Variants in DAB1 observed in about 807,000 individuals in gnomAD.
DAB1 encodes DAB adaptor protein 1.
In DAB1, 15 loss-of-function variants were observed where a neutral mutation model predicts 64.6. The ratio of observed to expected loss-of-function variants is 0.23; its 90% CI spans 0.16 to 0.36. The LOEUF is 0.36. Among genes scored for constraint, DAB1 ranks in the 10% least tolerant of loss-of-function variants. DAB1 has a pLI of 1.00. For missense variants in DAB1, 596 were observed against 706.7 expected, an observed-to-expected ratio of 0.84 and a Z score of 1.78; for synonymous variants, 235 against 251.9, an observed-to-expected ratio of 0.93 and a Z score of 0.64.
chr1:57,273,832 A>G (rs1386264957), intron 2 of DAB1, among the ~76,000 whole-genome samples: 1 of 152,020 alleles, frequency 6.6e-6, no homozygotes, highest in Non-Finnish European at 1.5e-5. Flanking sequence ...AATGGAGCCT[A>G]GTGAGTCGAG....
At chr1:57,710,773 G>A (rs1015721204) in intron 6 of DAB1, among the ~76,000 whole-genome samples, 2 of 152,062 alleles carry the variant, frequency 1.3e-5, no homozygotes, top group African/African-American at 4.8e-5. Flanking sequence ...GGAATAAAGA[G>A]TTTAATAGAC....
At chr1:57,412,623 A>G (rs1205339426) in intron 1 of DAB1, among the ~76,000 whole-genome samples, 1 of 152,220 alleles carries the variant, frequency 6.6e-6, no homozygotes, top group African/African-American at 2.4e-5. Flanking sequence ...GGATAGATGA[A>G]ACAAGACACA....
intron 5 of DAB1, among the ~76,000 whole-genome samples, chr1:58,017,577 G>T (rs1646758908): frequency 6.6e-6 from 1 of 152,238 alleles, no homozygotes; most frequent in South Asian, 2.1e-4. Flanking sequence ...GGGCTGGACA[G>T]ATCTGGGTTC....
chr1:57,239,576 C>T (rs1049058344), intron 2 of DAB1, among the ~76,000 whole-genome samples: 26 of 152,214 alleles, frequency 1.7e-4, no homozygotes, highest in Non-Finnish European at 3.7e-4. Flanking sequence ...ACATTCCACA[C>T]TGTTTCAGCA....
intron 6 of DAB1, among the ~76,000 whole-genome samples, chr1:57,667,232 C>T (rs1007239986): frequency 2.6e-5 from 4 of 152,102 alleles, no homozygotes; most frequent in Admixed American, 6.6e-5. Context: ...TCCCTGATTA[C>T]CTTATGAAAG....
chr1:58,264,723 T>G (rs1179515007), intron 4 of DAB1, among the ~76,000 whole-genome samples: 1 of 152,158 alleles, frequency 6.6e-6, no homozygotes, highest in East Asian at 1.9e-4. Context: ...TGTTCACACT[T>G]TTTTGGGTGA....
chr1:58,159,946 CTACT>C (rs1262296805), intron 4 of DAB1, among the ~76,000 whole-genome samples: 1 of 152,112 alleles, frequency 6.6e-6, no homozygotes, highest in Non-Finnish European at 1.5e-5. Flanking sequence ...TCCCTTCTAT[CTACT>C]AGAGACAAAT....
chr1:57,291,561 T>C (rs1367223040), intron 1 of DAB1, among the ~76,000 whole-genome samples: 1 of 152,094 alleles, frequency 6.6e-6, no homozygotes. Flanking sequence ...ATCAGCACCT[T>C]GGCAGCAAAA....
At chr1:57,788,567 T>C (rs1650443590) in intron 6 of DAB1, among the ~76,000 whole-genome samples, 1 of 152,160 alleles carries the variant, frequency 6.6e-6, no homozygotes, top group African/African-American at 2.4e-5. Context: ...GAACCAACTT[T>C]TGTGGTGACA....
chr1:57,061,583 G>A (rs146525342), intron 9 of DAB1, among the ~76,000 whole-genome samples: 1 of 152,342 alleles, frequency 6.6e-6, no homozygotes, highest in African/African-American at 2.4e-5. Flanking sequence ...AGCTGGAATT[G>A]ACTTTCTTAT....
intron 7 of DAB1, among the ~76,000 whole-genome samples, chr1:57,568,731 C>T (rs1331731023): frequency 3.3e-5 from 5 of 152,066 alleles, no homozygotes; most frequent in African/African-American, 4.8e-5. Flanking sequence ...CAATGAGATA[C>T]CATCTCACAC....
At chr1:57,194,781 C>T (rs951471119) in intron 2 of DAB1, among the ~76,000 whole-genome samples, 1 of 152,140 alleles carries the variant, frequency 6.6e-6, no homozygotes, top group African/African-American at 2.4e-5. Context: ...AGCACATTTC[C>T]AGCCAGTCCT....
At chr1:58,490,053 A>G (rs1235992080) in intron 3 of DAB1, among the ~76,000 whole-genome samples, 1 of 152,250 alleles carries the variant, frequency 6.6e-6, no homozygotes, top group African/African-American at 2.4e-5. Context: ...CTCCAAAGGA[A>G]CACAGCTCGT....
At chr1:58,248,290 A>AC (rs1236911894) in intron 4 of DAB1, among the ~76,000 whole-genome samples, 9 of 152,184 alleles carry the variant, frequency 5.9e-5, no homozygotes, top group Non-Finnish European at 1.3e-4. Flanking sequence ...TGCTGCTGTC[A>AC]CATTGCATGT....
At chr1:57,423,531 C>G (rs1309095546) in intron 1 of DAB1, among the ~76,000 whole-genome samples, 1 of 151,952 alleles carries the variant, frequency 6.6e-6, no homozygotes, top group East Asian at 1.9e-4. Context: ...GAGCCCAGGA[C>G]AGCGGGAGAA....
At chr1:58,249,240 C>A (rs1341483244) in intron 4 of DAB1, among the ~76,000 whole-genome samples, 1 of 152,012 alleles carries the variant, frequency 6.6e-6, no homozygotes, top group Non-Finnish European at 1.5e-5. Context: ...GCCACCACCA[C>A]ATATTTGAAT....
intron 5 of DAB1, among the ~76,000 whole-genome samples, chr1:57,915,515 G>A (rs1242089895): frequency 6.6e-6 from 1 of 152,112 alleles, no homozygotes; most frequent in Non-Finnish European, 1.5e-5. Context: ...CAGCTGGTAA[G>A]CCATTGAAAT....
chr1:57,849,756 C>T (rs1207202015), intron 1 of DAB1, among the ~76,000 whole-genome samples: 2 of 152,156 alleles, frequency 1.3e-5, no homozygotes, highest in Non-Finnish European at 2.9e-5. Context: ...CCCAGCAATG[C>T]CCAGAATTAA....
intron 7 of DAB1, among the ~76,000 whole-genome samples, chr1:57,569,473 A>T (rs1035858030): frequency 6.6e-6 from 1 of 152,150 alleles, no homozygotes; most frequent in Admixed American, 6.5e-5. Flanking sequence ...CATTCTCAGC[A>T]AACAATAGCA....
Sources: allele counts gnomAD v4.1 joint callset (sites outside exome capture counted in the v4.1 genomes callset), GRCh38; gene constraint gnomAD v4.1.1; transcripts MANE v1.5; gene names NCBI Gene and HGNC (gene_info 2026-07-23, HGNC 2026-07-21).